PRKAR2B: variants seen among roughly 807,000 people sequenced by gnomAD.
The protein encoded by PRKAR2B is cAMP-dependent protein kinase type II-beta regulatory subunit.
A neutral mutation model predicts 49.9 loss-of-function variants in PRKAR2B; 14 were observed. The observed-to-expected ratio is 0.28, with a 90% confidence interval of 0.19 to 0.44. PRKAR2B has a LOEUF of 0.44. PRKAR2B is among the 20% of genes least tolerant of loss of function. PRKAR2B has a pLI of 1.00. For synonymous variants in PRKAR2B, 196 were observed against 197.7 expected, an observed-to-expected ratio of 0.99 and a Z score of 0.07; for missense variants, 393 against 537.9, an observed-to-expected ratio of 0.73 and a Z score of 2.67.
intron 1 of PRKAR2B, among the ~76,000 whole-genome samples, chr7:107,067,777 A>C (rs1383313321): frequency 1.3e-5 from 2 of 152,228 alleles, no homozygotes; most frequent in African/African-American, 4.8e-5. Flanking sequence ...AATGATGAAC[A>C]TCTATTAGTA....
At chr7:107,080,808 AC>A (rs567224173) in intron 2 of PRKAR2B, among the ~76,000 whole-genome samples, 41 of 152,258 alleles carry the variant, frequency 2.7e-4, no homozygotes, top group Admixed American at 1.1e-3. Context: ...TTTAAATTTA[AC>A]AGTCAAATAT....
intron 2 of PRKAR2B, among the ~76,000 whole-genome samples, chr7:107,095,946 A>G (rs554287908): frequency 6.6e-6 from 1 of 152,234 alleles, no homozygotes; most frequent in African/African-American, 2.4e-5. Context: ...TTCATCAGGG[A>G]TATTGGTCTA....
rs945271001 is a variant in PRKAR2B, at chr7:107,159,911, A to G, written c.*329A>G. The G allele has an allele frequency of 1.5e-5, 3 of 200,508 alleles. No individual in the cohort carries two copies. The highest frequency in any genetic ancestry group is 1.2e-4 in the East Asian group (1 of 8,684). The allele number at this position is 200,508 out of a possible 1,614,324, so 12.4% of individuals were successfully genotyped here. ...TAATTAAAGGATGTTATCATAGGCT[A>G]TATGTGTTTTACTTATTCAGACTGA... On this transcript the variant is annotated 3_prime_UTR_variant, in exon 11 of 11. Coordinates refer to ENST00000265717, the MANE Select transcript of PRKAR2B (RefSeq NM_002736.3).
intron 2 of PRKAR2B, among the ~76,000 whole-genome samples, chr7:107,102,558 G>A (rs1391288656): frequency 6.6e-6 from 1 of 152,146 alleles, no homozygotes; most frequent in Non-Finnish European, 1.5e-5. Context: ...AAAGCCAAGA[G>A]CCCTCCCAGA....
rs58110858 is a variant in PRKAR2B, at chr7:107,114,324, C to CTGTGTG, written c.344-7580_344-7575dup. On this transcript the variant is annotated intron_variant, in intron 2 of 10. Transcript: ENST00000265717. ...AGATTAAAGAGTTTGGCATGTACAGCTGTGTGTGTGTGTGTGTGTGTGTGT... is the reference window on the plus strand; with the variant it reads ...AGATTAAAGAGTTTGGCATGTACAGCTGTGTGTGTGTGTGTGTGTGTGTGTGTGTGT... Among the ~76,000 whole-genome samples the CTGTGTG allele has an allele frequency of 5.2e-3, 686 of 130,898 alleles. 4 individuals are homozygous for CTGTGTG. Among genetic ancestry groups the CTGTGTG allele is most frequent in the African/African-American group, 9.1e-3 (329 of 36,112 alleles). The allele number at this position is 130,898 out of a possible 152,430, so 85.9% of individuals were successfully genotyped here. A position where few individuals can be genotyped will look rare whatever the true frequency, so the allele number is the denominator to read the frequency against.
intron 4 of PRKAR2B, among the ~76,000 whole-genome samples, chr7:107,131,602 A>T (rs1431266482): frequency 6.6e-6 from 1 of 152,208 alleles, no homozygotes. Context: ...ATGTATATAC[A>T]TAGTAGTTTT....
intron 2 of PRKAR2B, among the ~76,000 whole-genome samples, chr7:107,099,843 C>T (rs1430952258): frequency 6.6e-6 from 1 of 151,988 alleles, no homozygotes; most frequent in Non-Finnish European, 1.5e-5. Flanking sequence ...ACCATGTTAG[C>T]CAGGATGGTC....
chr7:107,052,434 G>T (rs1793826258), intron 1 of PRKAR2B, among the ~76,000 whole-genome samples: 2 of 151,894 alleles, frequency 1.3e-5, no homozygotes, highest in African/African-American at 2.4e-5. Context: ...ATAAATAAAT[G>T]GTGTCCTTTT....
intron 1 of PRKAR2B, among the ~76,000 whole-genome samples, chr7:107,047,196 C>T (rs1191824029): frequency 6.6e-6 from 1 of 152,192 alleles, no homozygotes; most frequent in Non-Finnish European, 1.5e-5. Flanking sequence ...ATCCAGGAGG[C>T]ACATACATCT....
chr7:107,150,697 TTAAAAAAAA>T (rs1327712174), intron 6 of PRKAR2B, among the ~76,000 whole-genome samples: 2 of 55,862 alleles, frequency 3.6e-5, no homozygotes, highest in African/African-American at 1.0e-4. Context: ...GATGCTTTCT[TTAAAAAAAA>T]AAAAAAAAAA....
chr7:107,125,278 G>T (rs778106476), intron 3 of PRKAR2B, among the ~76,000 whole-genome samples: 11 of 152,132 alleles, frequency 7.2e-5, no homozygotes, highest in Admixed American at 1.3e-4. Flanking sequence ...TGGGCAAGTT[G>T]ATTTCCTTAA....
intron 2 of PRKAR2B, among the ~76,000 whole-genome samples, chr7:107,085,516 G>A (rs1438667503): frequency 2.0e-5 from 3 of 152,112 alleles, no homozygotes; most frequent in Admixed American, 2.0e-4. Context: ...AAAAAGTGAA[G>A]TAGTACAGAA....
chr7:107,073,434 G>C (rs985744647), intron 2 of PRKAR2B, among the ~76,000 whole-genome samples: 29 of 152,234 alleles, frequency 1.9e-4, no homozygotes, highest in African/African-American at 7.0e-4. Flanking sequence ...GTTTATAGAG[G>C]CTTCAGGGTT....
intron 1 of PRKAR2B, among the ~76,000 whole-genome samples, chr7:107,063,272 C>T (rs776412112): frequency 1.3e-5 from 2 of 152,214 alleles, no homozygotes; most frequent in Non-Finnish European, 2.9e-5. Context: ...GCCAGGATTA[C>T]AGGCATGAGC....
At chr7:107,122,804 A>G (rs1795413012) in intron 3 of PRKAR2B, among the ~76,000 whole-genome samples, 1 of 152,222 alleles carries the variant, frequency 6.6e-6, no homozygotes, top group African/African-American at 2.4e-5. Context: ...AAACTTATGT[A>G]AAATCCAGTG....
chr7:107,128,159 A>G (rs1795531960), intron 3 of PRKAR2B, 53 bp from the exon 4 acceptor site: 1 of 1,135,348 alleles, frequency 8.8e-7, no homozygotes, highest in African/African-American at 1.6e-5. Flanking sequence ...AATCTCTTTG[A>G]GTGAGATGGT....
intron 1 of PRKAR2B, among the ~76,000 whole-genome samples, chr7:107,061,927 T>G (rs1794035212): frequency 6.6e-6 from 1 of 151,932 alleles, no homozygotes; most frequent in Non-Finnish European, 1.5e-5. Context: ...GAATGGCCAA[T>G]AAGCACGTGG....
intron 1 of PRKAR2B, among the ~76,000 whole-genome samples, chr7:107,048,195 T>C (rs1029037493): frequency 1.3e-5 from 2 of 152,214 alleles, no homozygotes; most frequent in African/African-American, 4.8e-5. Flanking sequence ...GTATCCCTTA[T>C]ATGTCAAGCT....
At chr7:107,118,633 C>G (rs1490627258) in intron 2 of PRKAR2B, among the ~76,000 whole-genome samples, 1 of 152,102 alleles carries the variant, frequency 6.6e-6, no homozygotes, top group Non-Finnish European at 1.5e-5. Flanking sequence ...ATGAGCTCGT[C>G]CCACTGTATT....
Sources: allele counts gnomAD v4.1 joint callset (sites outside exome capture counted in the v4.1 genomes callset), GRCh38; gene constraint gnomAD v4.1.1; transcripts MANE v1.5; gene names NCBI Gene and HGNC (gene_info 2026-07-23, HGNC 2026-07-21).